Variants in SPATS2L observed in about 807,000 individuals in gnomAD.
The protein encoded by SPATS2L is spermatogenesis associated serine rich 2 like, also known as SPATS2-like protein.
SPATS2L carries 30 observed loss-of-function variants against 59.6 expected under a neutral mutation model. The ratio of observed to expected loss-of-function variants is 0.50; its 90% CI spans 0.38 to 0.68. SPATS2L has a LOEUF of 0.68. Among genes scored for constraint, SPATS2L ranks in the 30% least tolerant of loss-of-function variants. The pLI, the probability that SPATS2L is intolerant of heterozygous loss-of-function variation, is 0.00. For synonymous variants in SPATS2L, 252 were observed against 263.5 expected (o/e 0.96, Z 0.42); for missense variants, 615 against 700.0 (o/e 0.88, Z 1.37).
intron 3 of SPATS2L, among the ~76,000 whole-genome samples, chr2:200,391,328 A>G (rs2082167586): frequency 6.6e-6 from 1 of 152,206 alleles, no homozygotes; most frequent in Non-Finnish European, 1.5e-5. Context: ...TTACTATATA[A>G]TGTTATTTGA....
intron 2 of SPATS2L, among the ~76,000 whole-genome samples, chr2:200,342,777 A>G (rs944218268): frequency 6.6e-6 from 1 of 152,240 alleles, no homozygotes; most frequent in Admixed American, 6.5e-5. Context: ...TTTTCTGGAT[A>G]AGAACAATAT....
chr2:200,384,497 G>A (rs1044867323), intron 2 of SPATS2L, among the ~76,000 whole-genome samples: 3 of 152,210 alleles, frequency 2.0e-5, no homozygotes, highest in African/African-American at 7.2e-5. Flanking sequence ...GGGACTACAG[G>A]CGCATGCCGC....
At chr2:200,375,961 G>A (rs891524903) in intron 2 of SPATS2L, among the ~76,000 whole-genome samples, 1 of 152,190 alleles carries the variant, frequency 6.6e-6, no homozygotes, top group African/African-American at 2.4e-5. Context: ...GGCATTTAAA[G>A]TGATAACTTA....
At chr2:200,421,635 C>T (rs17447424) in intron 6 of SPATS2L, among the ~76,000 whole-genome samples, 57,175 of 152,144 alleles carry the variant, frequency 0.38, 11,192 homozygotes, top group Admixed American at 0.44. Flanking sequence ...GTCATCCTTA[C>T]TCACTTCATG....
intron 1 of SPATS2L, among the ~76,000 whole-genome samples, chr2:200,314,059 G>C (rs2079280231): frequency 6.6e-6 from 1 of 152,150 alleles, no homozygotes; most frequent in African/African-American, 2.4e-5. Flanking sequence ...CTCATCTTCT[G>C]TTTTCTTCTA....
At chr2:200,470,428 C>T (rs2086938801) in intron 11 of SPATS2L, among the ~76,000 whole-genome samples, 4 of 152,202 alleles carry the variant, frequency 2.6e-5, no homozygotes, top group Admixed American at 1.3e-4. Context: ...TATGCGAGCC[C>T]CTCAGCAGTG....
chr2:200,369,402 GC>G (rs554536551), intron 2 of SPATS2L, among the ~76,000 whole-genome samples: 155 of 152,118 alleles, frequency 1.0e-3, no homozygotes, highest in African/African-American at 3.7e-3. Context: ...TAAGTGATCC[GC>G]CCACCTTGGC....
intron 2 of SPATS2L, among the ~76,000 whole-genome samples, chr2:200,336,925 G>C (rs905607697): frequency 6.7e-6 from 1 of 149,824 alleles, no homozygotes; most frequent in East Asian, 1.9e-4. Context: ...TTCATACTTA[G>C]TGAAATTTTT....
Position 200,401,704 on chromosome 2 carries a change from A to AT in SPATS2L, c.40-10597dup, listed in dbSNP as rs34171148. ...GGATGGATATTAGAGTCCCTGGGAA[A>AT]TTTTTTTTTTAAGGAATGCCAAGTC... On this transcript the variant is annotated intron_variant, in intron 3 of 12. Transcript: ENST00000409140. Among the ~76,000 whole-genome samples, 37 of 150,174 alleles carry AT rather than the reference A, an allele frequency of 2.5e-4. No individual in the cohort carries two copies. In the South Asian group the frequency reaches 3.2e-3, roughly 13 times the overall value.
At chr2:200,344,137 A>G (rs1025896988) in intron 2 of SPATS2L, among the ~76,000 whole-genome samples, 5 of 152,072 alleles carry the variant, frequency 3.3e-5, no homozygotes, top group Middle Eastern at 3.4e-3. Context: ...AACTCATGTC[A>G]TGGGGGTTTG....
At chr2:200,366,358 C>A (rs980748919) in intron 2 of SPATS2L, among the ~76,000 whole-genome samples, 2 of 152,172 alleles carry the variant, frequency 1.3e-5, no homozygotes, top group African/African-American at 4.8e-5. Context: ...TTTGGACTGA[C>A]TGGCACACTC....
chr2:200,310,821 G>C (rs2079169995), intron 1 of SPATS2L, among the ~76,000 whole-genome samples: 1 of 152,112 alleles, frequency 6.6e-6, no homozygotes, highest in Non-Finnish European at 1.5e-5. Flanking sequence ...TTCATGCCCT[G>C]CCTTTTAGAA....
intron 2 of SPATS2L, among the ~76,000 whole-genome samples, chr2:200,334,577 A>G (rs2080074154): frequency 6.6e-6 from 1 of 151,718 alleles, no homozygotes; most frequent in African/African-American, 2.4e-5. Context: ...TTAGACATGA[A>G]GTCCTTGCCC....
At chr2:200,346,035 C>T (rs1316923404) in intron 2 of SPATS2L, among the ~76,000 whole-genome samples, 1 of 152,222 alleles carries the variant, frequency 6.6e-6, no homozygotes, top group African/African-American at 2.4e-5. Context: ...TCTACAAACC[C>T]TGGACCTGGT....
chr2:200,361,650 C>T (rs982340059), intron 2 of SPATS2L, among the ~76,000 whole-genome samples: 1 of 152,114 alleles, frequency 6.6e-6, no homozygotes, highest in African/African-American at 2.4e-5. Context: ...TTAAGTTGAC[C>T]GCTAGATTTA....
chr2:200,309,105 T>TACATGGTAAGC, intron 1 of SPATS2L: 2 of 717,874 alleles, frequency 2.8e-6, no homozygotes, highest in Non-Finnish European at 5.2e-6. Context: ...GTGGTAAGCT[T>TACATGGTAAGC]TTACATCAGA....
chr2:200,387,613 A>AAAG (rs1337211886), intron 2 of SPATS2L, among the ~76,000 whole-genome samples: 1 of 152,216 alleles, frequency 6.6e-6, no homozygotes, highest in Non-Finnish European at 1.5e-5. Context: ...CGTAAGTGTA[A>AAAG]AAGAAAATAG....
At chr2:200,397,872 A>G (rs1050189972) in intron 3 of SPATS2L, among the ~76,000 whole-genome samples, 4 of 152,194 alleles carry the variant, frequency 2.6e-5, no homozygotes, top group African/African-American at 9.7e-5. Flanking sequence ...TGAGTCATCC[A>G]AGAGACAGAT....
intron 4 of SPATS2L, 74 bp from the exon 5 acceptor site, chr2:200,416,305 G>T (rs2083056985): frequency 4.2e-6 from 3 of 711,912 alleles, no homozygotes; most frequent in East Asian, 3.4e-5. Context: ...CTACCAAGAT[G>T]GAAAGACAGA....
Sources: allele counts gnomAD v4.1 joint callset (sites outside exome capture counted in the v4.1 genomes callset), GRCh38; gene constraint gnomAD v4.1.1; transcripts MANE v1.5; gene names NCBI Gene and HGNC (gene_info 2026-07-23, HGNC 2026-07-21).